The following ESR1 variants were observed in gnomAD, a reference collection of about 807,000 sequenced individuals.
ESR1 encodes the protein estrogen receptor 1.
A neutral mutation model predicts 52.7 loss-of-function variants in ESR1; 12 were observed. The observed-to-expected ratio is 0.23, with a 90% CI of 0.15 to 0.37. The LOEUF (loss-of-function observed/expected upper bound fraction) is 0.37. Among genes scored for constraint, ESR1 ranks in the 10% least tolerant of loss-of-function variants. The pLI is 1.00. For missense variants in ESR1, 584 were observed against 779.7 expected (o/e 0.75, Z 2.99); for synonymous variants, 305 against 316.8 (o/e 0.96, Z 0.39).
chr6:151,737,255 T>C (rs1022108028), intron 2 of ESR1, among the ~76,000 whole-genome samples: 4 of 152,218 alleles, frequency 2.6e-5, no homozygotes, highest in African/African-American at 9.6e-5. Context: ...TAGACGTATG[T>C]TTGGTTATTT....
At chr6:151,677,647 T>G (rs1387562052) in intron 1 of ESR1, among the ~76,000 whole-genome samples, 1 of 152,232 alleles carries the variant, frequency 6.6e-6, no homozygotes, top group Non-Finnish European at 1.5e-5. Context: ...AGGACTCCAG[T>G]CCCCACTGGT....
At position 151,944,205 on chromosome 6, in the gene ESR1, T is replaced by C. The variant is rs1359672592; in HGVS notation, c.793T>C (p.Leu265=). 1 of 1,614,120 alleles carries C rather than the reference T, an allele frequency of 6.2e-7. No homozygotes were observed. Among genetic ancestry groups the C allele is most frequent in the South Asian group, 1.1e-5 (1 of 91,080 alleles). Residue 265 remains leucine (L), a synonymous_variant, in exon 4 of 8, where the codon TTG becomes CTG. Transcript: ENST00000206249. ...IRKDRRGGRM[L]KHKRQRDDGE... Reference sequence around the variant, plus strand: ...AAAAGACCGAAGAGGAGGGAGAATGTTGAAACACAAGCGCCAGAGAGATGA... The same window carrying C: ...AAAAGACCGAAGAGGAGGGAGAATGCTGAAACACAAGCGCCAGAGAGATGA...
chr6:152,034,231 A>G (rs921549488), intron 5 of ESR1, among the ~76,000 whole-genome samples: 3 of 152,126 alleles, frequency 2.0e-5, no homozygotes, highest in Non-Finnish European at 4.4e-5. Flanking sequence ...TGGCACATGT[A>G]TGCATATGTA....
At chr6:151,921,850 T>C (rs1010046670) in intron 3 of ESR1, among the ~76,000 whole-genome samples, 1 of 152,218 alleles carries the variant, frequency 6.6e-6, no homozygotes. Flanking sequence ...CTTTGTCAGA[T>C]GTATAGATTG....
rs573076949 is a variant in ESR1 at position 151,991,142 on chromosome 6, G to A, written c.1097-20514G>A. The stretch of plus-strand genomic sequence containing the variant: ...CCAAAAGCCCATTTCACTTGGCTCT[G>A]TACAGACAGTAAGTTAATTTCCAGG... On this transcript the variant is annotated intron_variant, in intron 4 of 7. Transcript: ENST00000206249. 2.0e-5 allele frequency among the ~76,000 whole-genome samples: 3 copies of A among 152,226 alleles called. No homozygotes were observed. The East Asian group carries it at 5.8e-4, about 29-fold the overall frequency.
intron 6 of ESR1, chr6:152,122,137 GC>G (rs1174160641): frequency 2.3e-6 from 1 of 430,444 alleles, no homozygotes; most frequent in Non-Finnish European, 4.3e-6. Context: ...TGGGCCAAGG[GC>G]CCAGAATTCA....
rs370970832 is a variant in ESR1 at position 152,094,574 on chromosome 6, G to T, written c.1553+6G>T. 5.0e-6 allele frequency: 8 copies of T among 1,613,122 alleles called. No homozygotes were observed. In the African/African-American group the frequency reaches 8.0e-5, roughly 16 times the overall value. ...TCCCACATCAGGCACATGAGGTGAG[G>T]CATCTGTGGGCTTCCTACAGGAGAG... On this transcript the variant is annotated splice_donor_region_variant and intron_variant, in intron 7 of 7. Transcript: ENST00000206249. The surrounding 1 kb of genome is among the most constrained non-coding windows in gnomAD (Gnocchi z 4.6).
chr6:151,987,449 G>C (rs1166546346), intron 4 of ESR1, among the ~76,000 whole-genome samples: 1 of 152,052 alleles, frequency 6.6e-6, no homozygotes, highest in African/African-American at 2.4e-5. Flanking sequence ...AGTAGAGATG[G>C]TGTTTCACCA....
chr6:151,748,636 A>C (rs1783664697), intron 2 of ESR1, among the ~76,000 whole-genome samples: 1 of 152,214 alleles, frequency 6.6e-6, no homozygotes, highest in Non-Finnish European at 1.5e-5. Context: ...ACAGGGGATG[A>C]GAGTGCCTAT....
intron 2 of ESR1, among the ~76,000 whole-genome samples, chr6:151,856,955 T>A (rs1400618426): frequency 6.6e-6 from 1 of 152,220 alleles, no homozygotes; most frequent in East Asian, 1.9e-4. Context: ...CTGGGTAACA[T>A]TTATTGCTTA....
At chr6:151,826,229 C>G (rs1042964604) in intron 1 of ESR1, among the ~76,000 whole-genome samples, 6 of 152,122 alleles carry the variant, frequency 3.9e-5, no homozygotes, top group Non-Finnish European at 7.3e-5. Context: ...TTATAAATAC[C>G]ACCTATAAGG....
chr6:151,907,251 C>T (rs570821509), intron 3 of ESR1, among the ~76,000 whole-genome samples: 2 of 152,124 alleles, frequency 1.3e-5, no homozygotes, highest in South Asian at 4.1e-4. Flanking sequence ...TTAAATCAAA[C>T]TTTAATGAGA....
intron 6 of ESR1, among the ~76,000 whole-genome samples, chr6:152,118,763 C>T (rs1226792235): frequency 3.9e-5 from 6 of 152,046 alleles, no homozygotes; most frequent in African/African-American, 1.2e-4. Flanking sequence ...ACATGTATCC[C>T]AGAACCTAAA....
chr6:151,710,335 A>G (rs899103678), intron 2 of ESR1, among the ~76,000 whole-genome samples: 5 of 151,938 alleles, frequency 3.3e-5, no homozygotes, highest in Admixed American at 3.3e-4. Flanking sequence ...TTTTTAAAAT[A>G]CTGATCAAAA....
chr6:151,974,680 A>T (rs1213573584), intron 4 of ESR1, among the ~76,000 whole-genome samples: 1 of 152,252 alleles, frequency 6.6e-6, no homozygotes, highest in Non-Finnish European at 1.5e-5. Context: ...TTTATAAACT[A>T]TAAACACCAT....
intron 1 of ESR1, among the ~76,000 whole-genome samples, chr6:151,834,575 G>C (rs1454853202): frequency 6.6e-6 from 1 of 152,122 alleles, no homozygotes; most frequent in African/African-American, 2.4e-5. Context: ...GGGAGTGATA[G>C]CATTAGGAGA....
chr6:151,719,371 A>G (rs1433409461), intron 2 of ESR1, among the ~76,000 whole-genome samples: 1 of 152,170 alleles, frequency 6.6e-6, no homozygotes, highest in African/African-American at 2.4e-5. Flanking sequence ...AGTACTGTCA[A>G]GATAAGCCTT....
chr6:151,913,403 C>T (rs1798578828), intron 3 of ESR1, among the ~76,000 whole-genome samples: 1 of 152,134 alleles, frequency 6.6e-6, no homozygotes, highest in African/African-American at 2.4e-5. Context: ...TCACAAATGA[C>T]TATGTAATTA....
At chr6:151,930,856 C>G (rs567366541) in intron 3 of ESR1, among the ~76,000 whole-genome samples, 1 of 152,028 alleles carries the variant, frequency 6.6e-6, no homozygotes, top group Non-Finnish European at 1.5e-5. Context: ...ACTTCACTTT[C>G]TTTATTAATG....
Sources: allele counts gnomAD v4.1 joint callset (sites outside exome capture counted in the v4.1 genomes callset), GRCh38; gene constraint gnomAD v4.1.1; non-coding constraint Gnocchi (gnomAD v3.1); transcripts MANE v1.5; gene names NCBI Gene and HGNC (gene_info 2026-07-23, HGNC 2026-07-21).